The following PHF19 variants were observed in gnomAD, a reference collection of about 807,000 sequenced individuals.
PHF19 encodes the protein PHD finger protein 19, also known as polycomb like 3.
In PHF19, 21 loss-of-function variants were observed where a neutral mutation model predicts 79.8. The ratio of observed to expected loss-of-function variants is 0.26; its 90% CI spans 0.19 to 0.38. The LOEUF (loss-of-function observed/expected upper bound fraction) is 0.38. PHF19 is among the 10% of genes least tolerant of loss of function. The pLI is 1.00. For missense variants in PHF19, 445 were observed against 744.2 expected (o/e 0.60, Z 4.68); for synonymous variants, 273 against 296.3 (o/e 0.92, Z 0.81).
At chr9:120,861,813 T>G in intron 12 of PHF19, 105 bp downstream of exon 12, 1 of 811,238 alleles carries the variant, frequency 1.2e-6, no homozygotes, top group African/African-American at 1.7e-5. Flanking sequence ...TTAAGGGACA[T>G]GAGAGAGTCC....
chr9:120,865,824 A>G lies in PHF19; in HGVS notation c.786T>C (p.Asp262=), dbSNP rs2045681635. ...GATTATAGAGGGCCAGGTGAACCAC[A>G]TCCACCCTGGGCAAGGGGGCAAGGA... ...YIERLPLRWV[D]VVHLALYNLG... is the part of the protein sequence containing the mutation. Residue 262 remains aspartate (D), a synonymous_variant, in exon 9 of 15, where the codon GAT becomes GAC. Transcript: ENST00000373896. 6.2e-7 allele frequency: 1 copy of G among 1,614,012 alleles called. No individual in the cohort carries two copies. Among genetic ancestry groups the G allele is most frequent in the Admixed American group, 1.7e-5 (1 of 59,998 alleles).
intron 1 of PHF19, among the ~76,000 whole-genome samples, chr9:120,892,747 AAAG>A (rs772255035): frequency 2.8e-4 from 42 of 152,014 alleles, no homozygotes; most frequent in Non-Finnish European, 5.4e-4. Context: ...TATATCAAAT[AAAG>A]AAGTTAAGTG....
intron 1 of PHF19, among the ~76,000 whole-genome samples, chr9:120,894,037 G>T (rs1389476906): frequency 6.6e-6 from 1 of 152,124 alleles, no homozygotes; most frequent in Non-Finnish European, 1.5e-5. Flanking sequence ...CAAGCCCAGG[G>T]GTGATCCCAT....
intron 6 of PHF19, chr9:120,868,419 A>C (rs1049154539): frequency 6.6e-6 from 1 of 152,318 alleles, no homozygotes; most frequent in African/African-American, 2.4e-5. Context: ...TGCTCTGCTC[A>C]TAATCACCAC....
intron 1 of PHF19, among the ~76,000 whole-genome samples, chr9:120,894,448 G>A (rs1177778689): frequency 1.3e-5 from 2 of 152,196 alleles, no homozygotes; most frequent in South Asian, 2.1e-4. Flanking sequence ...ACAAAGCAAC[G>A]GAATCCTTGG....
At position 120,870,383 on chromosome 9, in the gene PHF19, G is replaced by A. The variant is rs1037066487; in HGVS notation, c.364+60C>T. 5.8e-6 allele frequency: 6 copies of A among 1,027,992 alleles called. No individual in the cohort carries two copies. Among genetic ancestry groups the A allele is most frequent in the Non-Finnish European group, 9.2e-6 (6 of 651,908 alleles). 63.7% of individuals were successfully genotyped at this position (1,027,992 alleles called of 1,614,324 possible). On this transcript the variant is annotated intron_variant, in intron 4 of 14. Transcript: ENST00000373896. This position sits in a 1 kb window ranked among gnomAD's most constrained non-coding sequence, Gnocchi z 4.4. ...ACAGGCTGCAGCAGTACCCGTCAGG[G>A]GCCAGTGCGTGGGGACCTATAGGTC...
chr9:120,870,408 C>A lies in PHF19; in HGVS notation c.364+35G>T, dbSNP rs371377316. 1.6e-5 allele frequency: 22 copies of A among 1,344,390 alleles called. No individual in the cohort carries two copies. The highest frequency in any genetic ancestry group is 2.4e-5 in the Non-Finnish European group (22 of 934,554). The allele number at this position is 1,344,390 out of a possible 1,614,324, so 83.3% of individuals were successfully genotyped here. On this transcript the variant is annotated intron_variant, in intron 4 of 14. Transcript: ENST00000373896. The surrounding 1 kb of genome is among the most constrained non-coding windows in gnomAD (Gnocchi z 4.4). ...GGCCAGTGCGTGGGGACCTATAGGT[C>A]GGGGCCTTCTCAGGGCCCTGCTCGC...
chr9:120,859,837 T>C (rs1156795156), intron 14 of PHF19, among the ~76,000 whole-genome samples: 1 of 152,208 alleles, frequency 6.6e-6, no homozygotes, highest in Admixed American at 6.5e-5. Flanking sequence ...TACAAGCTTC[T>C]GCAGCAGGTG....
At chr9:120,881,577 T>C (rs10985073), upstream of PHF19, among the ~76,000 whole-genome samples, 67,905 of 152,088 alleles carry the variant, frequency 0.45, 17,933 homozygotes, top group South Asian at 0.67. Context: ...CTCTGATCCT[T>C]CTCCTTCTCA....
the PHF19 span, among the ~76,000 whole-genome samples, chr9:120,899,973 T>A: frequency 6.6e-6 from 1 of 152,284 alleles, no homozygotes; most frequent in African/African-American, 2.4e-5. Context: ...TGAGTTGGAA[T>A]GGCCTTGAGC....
At chr9:120,897,889 G>T (rs1429638417), upstream of PHF19, among the ~76,000 whole-genome samples, 1 of 149,438 alleles carries the variant, frequency 6.7e-6, no homozygotes, top group Non-Finnish European at 1.5e-5. Flanking sequence ...TGAGGCAGGA[G>T]ACCTACTTGA....
chr9:120,898,010 A>G (rs2046416054), upstream of PHF19, among the ~76,000 whole-genome samples: 1 of 151,182 alleles, frequency 6.6e-6, no homozygotes, highest in Admixed American at 6.6e-5. Context: ...GAAATATTAA[A>G]TTCTCTTTCT....
rs397951771 is a variant in PHF19 at position 120,868,963 on chromosome 9, AC to A, written c.614+218del. On this transcript the variant is annotated intron_variant, in intron 6 of 14. Transcript: ENST00000373896. ...CGAGGCCCCACCTCCGCAGCGGCTG[AC>A]CCCCCCCTCCCCGAGTCCCGCCCCC... is the stretch of plus-strand genomic sequence containing the variant. The A allele has an allele frequency of 6.1e-4, 102 of 166,780 alleles. 1 individual carries two copies. Among genetic ancestry groups the A allele is most frequent in the South Asian group, 5.6e-3 (20 of 3,602 alleles). 10.3% of individuals were successfully genotyped at this position (166,780 alleles called of 1,614,324 possible).
Position 120,862,493 on chromosome 9 carries a change from C to A in PHF19, c.1130+95G>T, listed in dbSNP as rs988328437. 67 of 1,080,556 alleles carry A rather than the reference C, an allele frequency of 6.2e-5. No homozygotes were observed. Among genetic ancestry groups the A allele is most frequent in the Non-Finnish European group, 8.2e-5 (59 of 718,340 alleles). The allele number at this position is 1,080,556 out of a possible 1,614,324, so 66.9% of individuals were successfully genotyped here. A position where few individuals can be genotyped will look rare whatever the true frequency, so the allele number is the denominator to read the frequency against. The stretch of plus-strand genomic sequence containing the variant: ...ATCTAGCCCTCTCAGGGTCCTACAG[C>A]TGGGACTGGCTGGGTGCAGGTCCTC... On this transcript the variant is annotated intron_variant, in intron 11 of 14. Transcript: ENST00000373896. This position sits in a 1 kb window ranked among gnomAD's most constrained non-coding sequence, Gnocchi z 4.6.
rs1270400402 is a variant in PHF19, at chr9:120,860,242, A to C, written c.1305-57T>G. 1.1e-6 allele frequency: 1 copy of C among 946,786 alleles called. No homozygotes were observed. The highest frequency in any genetic ancestry group is 2.6e-5 in the East Asian group (1 of 38,416). 58.6% of individuals were successfully genotyped at this position (946,786 alleles called of 1,614,324 possible). A position where few individuals can be genotyped will look rare whatever the true frequency, so the allele number is the denominator to read the frequency against. The stretch of plus-strand genomic sequence containing the variant: ...GGCCCGGCCCAGCAAGTTCCTGCCA[A>C]CCTGGCCCGCAGGTTCCCCTAACAT... On this transcript the variant is annotated intron_variant, in intron 13 of 14. Coordinates refer to ENST00000373896, the MANE Select transcript of PHF19 (RefSeq NM_015651.3). The surrounding 1 kb of genome is among the most constrained non-coding windows in gnomAD (Gnocchi z 4.1).
At chr9:120,863,069 T>C (rs536768212) in intron 10 of PHF19, 3 of 340,274 alleles carry the variant, frequency 8.8e-6, no homozygotes, top group East Asian at 1.4e-4. Context: ...GTGGAACTCC[T>C]ATGGTCAAGA....
At chr9:120,877,501 C>G (rs544075681), upstream of PHF19, among the ~76,000 whole-genome samples, 5 of 151,212 alleles carry the variant, frequency 3.3e-5, no homozygotes, top group Admixed American at 6.6e-5. Context: ...CCGGGCCCCC[C>G]GCCGAGGAGC....
At chr9:120,897,403 G>A (rs2046411460), upstream of PHF19, among the ~76,000 whole-genome samples, 1 of 152,214 alleles carries the variant, frequency 6.6e-6, no homozygotes, top group African/African-American at 2.4e-5. Context: ...GTGTGTATGG[G>A]GGATGATTCC....
At chr9:120,865,605 C>G in intron 9 of PHF19, 105 bp downstream of exon 9, 1 of 1,371,254 alleles carries the variant, frequency 7.3e-7, no homozygotes, top group Non-Finnish European at 1.0e-6. Flanking sequence ...AGGGATGCAG[C>G]AACTCAAGGG....
Sources: gnomAD v4.1 joint callset for allele counts (sites outside exome capture counted in the v4.1 genomes callset) on GRCh38, gnomAD v4.1.1 for gene constraint, Gnocchi (gnomAD v3.1) non-coding constraint, MANE v1.5 for transcripts, NCBI Gene and HGNC (gene_info 2026-07-23, HGNC 2026-07-21) for gene names.